The following APAF1 variants were observed in gnomAD, a reference collection of about 807,000 sequenced individuals.
APAF1 encodes the protein apoptotic peptidase activating factor 1.
In APAF1, 91 loss-of-function variants were observed where a neutral mutation model predicts 152.4. That is an observed-to-expected ratio of 0.60 (90% CI 0.50 to 0.71). APAF1 has a LOEUF of 0.71. Among genes scored for constraint, APAF1 ranks in the 30% least tolerant of loss-of-function variants. APAF1 has a pLI of 0.00. For missense variants in APAF1, 1,283 were observed against 1,472.0 expected (o/e 0.87, Z 2.10); for synonymous variants, 484 against 494.1 (o/e 0.98, Z 0.27).
At chr12:98,711,795 G>T (rs2097728164) in intron 20 of APAF1, among the ~76,000 whole-genome samples, 1 of 151,762 alleles carries the variant, frequency 6.6e-6, no homozygotes. Flanking sequence ...TTATGCTTAT[G>T]AGTTCTTCTC....
chr12:98,655,371 G>C (rs1366168635), intron 4 of APAF1, among the ~76,000 whole-genome samples: 1 of 151,138 alleles, frequency 6.6e-6, no homozygotes, highest in African/African-American at 2.4e-5. Context: ...GGTGGTGGCC[G>C]GGCAGAGGGG....
intron 24 of APAF1, 112 bp from the exon 25 acceptor site, chr12:98,725,303 T>C: frequency 7.3e-7 from 1 of 1,361,536 alleles, no homozygotes; most frequent in African/African-American, 1.4e-5. Flanking sequence ...AGTTTATGAA[T>C]TGCCAGATAT....
intron 16 of APAF1, among the ~76,000 whole-genome samples, chr12:98,693,194 A>G (rs2153330390): frequency 6.6e-6 from 1 of 151,842 alleles, no homozygotes; most frequent in Non-Finnish European, 1.5e-5. Flanking sequence ...GGCTACTGTA[A>G]ATGGGATTGT....
chr12:98,678,464 A>G (rs191701684), intron 13 of APAF1, among the ~76,000 whole-genome samples: 418 of 152,308 alleles, frequency 2.7e-3, no homozygotes, highest in Admixed American at 4.3e-3. Flanking sequence ...CGCCCAAGCC[A>G]CAGCTGTGGA....
chr12:98,699,498 G>A lies in APAF1; in HGVS notation c.2395G>A (p.Val799Met). 1 of 1,614,214 alleles carries A rather than the reference G, an allele frequency of 6.2e-7. No individual in the cohort carries two copies. The highest frequency in any genetic ancestry group is 8.5e-7 in the Non-Finnish European group (1 of 1,180,030). Residue 799 changes from valine (V) to methionine (M), a missense_variant, in exon 17 of 27, where the codon GTG becomes ATG. By Grantham distance (21) the Val-to-Met change is conservative. Transcript: ENST00000551964. ...GGAGGACCCTCAAGAGGATATGGAA[G>A]TGATAGTGAAGTGTTGTTCGTGGTC... ...NLEDPQEDMEVIVKCCSWSAD... is the reference protein window; with the variant it reads ...NLEDPQEDMEMIVKCCSWSAD...
intron 15 of APAF1, among the ~76,000 whole-genome samples, chr12:98,684,649 C>T (rs1282068145): frequency 6.6e-6 from 1 of 151,920 alleles, no homozygotes; most frequent in African/African-American, 2.4e-5. Context: ...ACCAAAATTA[C>T]AGAGTAATGT....
intron 17 of APAF1, 43 bp from the exon 18 acceptor site, chr12:98,703,328 T>G (rs752511035): frequency 1.4e-5 from 23 of 1,607,472 alleles, no homozygotes; most frequent in Non-Finnish European, 2.0e-5. Context: ...GCTTATCTCT[T>G]AAAGTATTTT....
At chr12:98,728,210 A>C (rs924704196) in intron 26 of APAF1, among the ~76,000 whole-genome samples, 1 of 152,112 alleles carries the variant, frequency 6.6e-6, no homozygotes, top group East Asian at 1.9e-4. Context: ...TCTGTTTTCC[A>C]TGTCATTCAC....
chr12:98,708,768 CTT>C, intron 20 of APAF1, 64 bp downstream of exon 20: 2 of 1,560,908 alleles, frequency 1.3e-6, no homozygotes, highest in South Asian at 2.3e-5. Context: ...CACGGTTTTT[CTT>C]GTTTTTGGAC....
chr12:98,653,897 C>G (rs1021693647), intron 4 of APAF1, among the ~76,000 whole-genome samples: 3 of 151,230 alleles, frequency 2.0e-5, no homozygotes, highest in African/African-American at 7.3e-5. Flanking sequence ...ATCATGGATG[C>G]TTTCTTCATA....
At chr12:98,685,672 A>G (rs962314596) in intron 15 of APAF1, among the ~76,000 whole-genome samples, 1 of 144,846 alleles carries the variant, frequency 6.9e-6, no homozygotes, top group Non-Finnish European at 1.5e-5. Context: ...GTCTTCCTCT[A>G]TCACCCAGGC....
chr12:98,682,516 T>G (rs1311503864), intron 14 of APAF1, among the ~76,000 whole-genome samples: 2 of 152,216 alleles, frequency 1.3e-5, no homozygotes, highest in African/African-American at 4.8e-5. Context: ...TTGCTCAAGC[T>G]TACATTAAAC....
At chr12:98,651,157 T>A (rs1304783937) in intron 4 of APAF1, among the ~76,000 whole-genome samples, 1 of 152,188 alleles carries the variant, frequency 6.6e-6, no homozygotes, top group African/African-American at 2.4e-5. Context: ...TTTTGTGGGA[T>A]CTCAAGTTCA....
In APAF1 at chr12:98,666,280, A is replaced by C. The variant is rs1180826003; in HGVS notation, c.1285A>C (p.Asn429His). 54 of 1,613,892 alleles carry C rather than the reference A, an allele frequency of 3.3e-5. No individual in the cohort carries two copies. The highest frequency in any genetic ancestry group is 4.4e-5 in the Non-Finnish European group (52 of 1,179,908). The change falls in exon 9 of 27, where the codon AAT becomes CAT. Residue 429 changes from asparagine (N) to histidine (H), a missense_variant. Coordinates refer to ENST00000551964, the MANE Select transcript of APAF1 (RefSeq NM_181861.2). ...VNKSLLFCDR[N>H]GKSFRYYLHD... Reference sequence around the variant, plus strand: ...TAAGTCTCTTTTATTCTGTGATCGGAATGGAAAGTCGTTTCGTTATTATTT... The same window carrying C: ...TAAGTCTCTTTTATTCTGTGATCGGCATGGAAAGTCGTTTCGTTATTATTT...
At chr12:98,657,009 G>A (rs1363882587) in intron 4 of APAF1, among the ~76,000 whole-genome samples, 2 of 152,118 alleles carry the variant, frequency 1.3e-5, no homozygotes, top group South Asian at 4.1e-4. Context: ...TACCTGTGTG[G>A]ATGAGTCATC....
intron 17 of APAF1, among the ~76,000 whole-genome samples, chr12:98,702,650 C>T (rs1188244925): frequency 1.3e-5 from 2 of 151,272 alleles, no homozygotes; most frequent in African/African-American, 2.4e-5. Context: ...CATGGAGAAA[C>T]CCCGTCTCTA....
chr12:98,680,239 A>C, intron 13 of APAF1, 38 bp from the exon 14 acceptor site: 1 of 1,537,620 alleles, frequency 6.5e-7, no homozygotes. Flanking sequence ...GTAGTTAAGC[A>C]GTTTATTATA....
At position 98,666,056 on chromosome 12, in the gene APAF1, G is replaced by A. The variant is rs754064256; in HGVS notation, c.1195-134G>A. 2 of 875,388 alleles carry A rather than the reference G, an allele frequency of 2.3e-6. 1 individual carries two copies. Among genetic ancestry groups the A allele is most frequent in the South Asian group, 3.0e-5 (2 of 66,856 alleles). 54.2% of individuals were successfully genotyped at this position (875,388 alleles called of 1,614,324 possible). The stretch of plus-strand genomic sequence containing the variant: ...CTTTTCTATCTTGAGGAGTAGCTGA[G>A]TTTCTTCTTAAGAAATGGAGACATT... On this transcript the variant is annotated intron_variant, in intron 8 of 26. Transcript: ENST00000551964.
chr12:98,713,057 G>A (rs1051316497), intron 21 of APAF1, among the ~76,000 whole-genome samples: 1 of 152,170 alleles, frequency 6.6e-6, no homozygotes, highest in African/African-American at 2.4e-5. Context: ...GGGCTCAAGT[G>A]ATCTACCCAT....
Sources: gnomAD v4.1 joint callset for allele counts (sites outside exome capture counted in the v4.1 genomes callset) on GRCh38, gnomAD v4.1.1 for gene constraint, MANE v1.5 for transcripts, NCBI Gene and HGNC (gene_info 2026-07-23, HGNC 2026-07-21) for gene names.